AGBL1: variants seen among roughly 807,000 people sequenced by gnomAD.
The protein encoded by AGBL1 is cytosolic carboxypeptidase 4.
Under a neutral mutation model 118.9 loss-of-function variants are expected in AGBL1, and 130 were observed. That is an observed-to-expected ratio of 1.09 (90% CI 0.95 to 1.26). AGBL1 has a LOEUF of 1.26. AGBL1 is among the 50% of genes most tolerant of loss of function. AGBL1 has a pLI of 0.00. For missense variants in AGBL1, 1,584 were observed against 1,298.1 expected, an observed-to-expected ratio of 1.22 and a Z score of -3.38; for synonymous variants, 555 against 478.9, an observed-to-expected ratio of 1.16 and a Z score of -2.08.
chr15:86,731,409 C>T (rs1027458507), intron 22 of AGBL1, among the ~76,000 whole-genome samples: 11 of 152,116 alleles, frequency 7.2e-5, no homozygotes, highest in Admixed American at 6.5e-4. Context: ...GAAAATGTCA[C>T]CAGGGATCTC....
intron 18 of AGBL1, among the ~76,000 whole-genome samples, chr15:86,469,898 G>A (rs2082457284): frequency 6.6e-6 from 1 of 151,824 alleles, no homozygotes; most frequent in Admixed American, 6.6e-5. Flanking sequence ...GTCTATTTAG[G>A]TCCTTTTGCC....
chr15:86,578,457 G>A (rs967692231), intron 21 of AGBL1, among the ~76,000 whole-genome samples: 1 of 152,152 alleles, frequency 6.6e-6, no homozygotes, highest in African/African-American at 2.4e-5. Flanking sequence ...TTCGGACTGT[G>A]GACTTTTGAG....
chr15:86,551,575 C>A (rs1043326980), intron 20 of AGBL1, among the ~76,000 whole-genome samples: 5 of 152,140 alleles, frequency 3.3e-5, no homozygotes, highest in African/African-American at 1.2e-4. Flanking sequence ...ACTCTTCCCA[C>A]AAATGGAAGT....
At chr15:86,510,603 T>A (rs963512913) in intron 18 of AGBL1, among the ~76,000 whole-genome samples, 1 of 152,120 alleles carries the variant, frequency 6.6e-6, no homozygotes, top group Non-Finnish European at 1.5e-5. Flanking sequence ...TTTTTCTTAA[T>A]GTTAATGATT....
intron 19 of AGBL1, among the ~76,000 whole-genome samples, chr15:86,540,499 C>T (rs1388949150): frequency 1.3e-5 from 2 of 151,890 alleles, no homozygotes; most frequent in East Asian, 3.9e-4. Context: ...GAAGGCTGAG[C>T]CACGAGAATT....
intron 22 of AGBL1, among the ~76,000 whole-genome samples, chr15:86,718,463 C>T (rs1230026947): frequency 1.3e-5 from 2 of 152,090 alleles, no homozygotes; most frequent in African/African-American, 4.8e-5. Context: ...TGCAGTACAC[C>T]AACACGGCAC....
intron 21 of AGBL1, among the ~76,000 whole-genome samples, chr15:86,654,200 G>C (rs774591431): frequency 7.2e-5 from 11 of 152,070 alleles, no homozygotes; most frequent in Non-Finnish European, 1.6e-4. Flanking sequence ...AAGCAAGAAG[G>C]GGAGTCTTTG....
intron 21 of AGBL1, among the ~76,000 whole-genome samples, chr15:86,632,857 GTTTC>G (rs1271885969): frequency 1.3e-5 from 2 of 151,740 alleles, no homozygotes; most frequent in African/African-American, 2.4e-5. Flanking sequence ...TGCCTTTTTT[GTTTC>G]TTACCTTTCT....
intron 4 of AGBL1, among the ~76,000 whole-genome samples, chr15:86,158,565 A>T (rs964284964): frequency 9.9e-5 from 15 of 152,196 alleles, no homozygotes; most frequent in Admixed American, 2.6e-4. Flanking sequence ...CAAGAGTAAT[A>T]TCCAAAAGTT....
intron 22 of AGBL1, among the ~76,000 whole-genome samples, chr15:86,707,246 G>T (rs2086466620): frequency 6.6e-6 from 1 of 151,994 alleles, no homozygotes; most frequent in Non-Finnish European, 1.5e-5. Flanking sequence ...GGGAACAAAG[G>T]TCTACTCCAC....
chr15:86,321,166 A>G (rs543444541), intron 17 of AGBL1, among the ~76,000 whole-genome samples: 1 of 152,300 alleles, frequency 6.6e-6, no homozygotes, highest in East Asian at 1.9e-4. Context: ...TGTGTGTAAC[A>G]TTAATAACAT....
At chr15:86,526,857 G>T (rs2083274450) in intron 19 of AGBL1, among the ~76,000 whole-genome samples, 1 of 151,986 alleles carries the variant, frequency 6.6e-6, no homozygotes, top group South Asian at 2.1e-4. Flanking sequence ...ACAGAAGGGG[G>T]TTGGTGGGAG....
intron 15 of AGBL1, among the ~76,000 whole-genome samples, chr15:86,275,076 T>A (rs796322766): frequency 2.0e-5 from 3 of 152,308 alleles, no homozygotes; most frequent in African/African-American, 7.2e-5. Context: ...TTTCTTTTTT[T>A]ATTTAGTTCC....
At chr15:86,688,085 A>G (rs1387627402) in intron 22 of AGBL1, among the ~76,000 whole-genome samples, 1 of 152,180 alleles carries the variant, frequency 6.6e-6, no homozygotes, top group Non-Finnish European at 1.5e-5. Context: ...TGGAATTTAT[A>G]AAACTAATGC....
intron 23 of AGBL1, among the ~76,000 whole-genome samples, chr15:86,954,626 A>C (rs1311538712): frequency 2.0e-5 from 3 of 152,110 alleles, no homozygotes; most frequent in East Asian, 3.9e-4. Context: ...AAACATGGGA[A>C]CATAGACGCT....
At chr15:86,838,941 T>TAAAAAAAAAAAAAA (rs386383698) in intron 22 of AGBL1, among the ~76,000 whole-genome samples, 11 of 48,000 alleles carry the variant, frequency 2.3e-4, no homozygotes, top group Admixed American at 3.7e-4. Flanking sequence ...TGAGATCCTG[T>TAAAAAAAAAAAAAA]AAAAAAAAAA....
chr15:86,538,061 G>A (rs778237216), intron 19 of AGBL1, among the ~76,000 whole-genome samples: 6 of 152,116 alleles, frequency 3.9e-5, no homozygotes, highest in Non-Finnish European at 7.3e-5. Flanking sequence ...GGCCAAAAAC[G>A]TCCTTCAGCA....
At chr15:86,268,310 C>G (rs571402888) in intron 13 of AGBL1, among the ~76,000 whole-genome samples, 2 of 152,172 alleles carry the variant, frequency 1.3e-5, no homozygotes, top group East Asian at 3.9e-4. Context: ...ACAGTCATGT[C>G]AAGACTCTTT....
chr15:86,709,593 T>G (rs2086517859), intron 22 of AGBL1, among the ~76,000 whole-genome samples: 1 of 152,172 alleles, frequency 6.6e-6, no homozygotes, highest in African/African-American at 2.4e-5. Context: ...CATAATGATA[T>G]CGCTGCTATG....
Sources: gnomAD v4.1 joint callset for allele counts (sites outside exome capture counted in the v4.1 genomes callset) on GRCh38, gnomAD v4.1.1 for gene constraint, MANE v1.5 for transcripts, NCBI Gene and HGNC (gene_info 2026-07-23, HGNC 2026-07-21) for gene names.